ALX1: variants seen among roughly 807,000 people sequenced by gnomAD.
ALX1 encodes the protein ALX homeobox protein 1.
Under a neutral mutation model 31.7 loss-of-function variants are expected in ALX1, and 19 were observed. That is an observed-to-expected ratio of 0.60 (90% confidence interval 0.42 to 0.88). The LOEUF (loss-of-function observed/expected upper bound fraction) is 0.88, where lower values mean the gene tolerates loss of function less well. Among genes scored for constraint, ALX1 ranks in the 40% least tolerant of loss-of-function variants. The probability of loss-of-function intolerance (pLI) is 0.00; values close to 1 mark genes in which losing one functional copy is unlikely to be tolerated. For missense variants in ALX1, 415 were observed against 407.8 expected, an observed-to-expected ratio of 1.02 and a Z score of -0.15; for synonymous variants, 153 against 148.8, an observed-to-expected ratio of 1.03 and a Z score of -0.20.
intron 3 of ALX1, 27 bp from the exon 4 acceptor site, chr12:85,301,128 T>C: frequency 1.2e-6 from 2 of 1,611,016 alleles, no homozygotes; most frequent in Non-Finnish European, 1.7e-6. Flanking sequence ...CATGTAAATG[T>C]AATATTTGTT....
intron 3 of ALX1, among the ~76,000 whole-genome samples, chr12:85,291,968 T>C (rs556960331): frequency 9.9e-5 from 15 of 151,290 alleles, no homozygotes; most frequent in African/African-American, 3.6e-4. Context: ...AACAGTTCTT[T>C]TCATTTATAA....
At chr12:85,291,835 T>C (rs1054587221) in intron 3 of ALX1, among the ~76,000 whole-genome samples, 8 of 151,052 alleles carry the variant, frequency 5.3e-5, no homozygotes, top group African/African-American at 1.7e-4. Flanking sequence ...ATCCTGGGAT[T>C]TGAAGAGGGC....
At chr12:85,291,930 A>G (rs1467461408) in intron 3 of ALX1, among the ~76,000 whole-genome samples, 1 of 151,012 alleles carries the variant, frequency 6.6e-6, no homozygotes, top group Non-Finnish European at 1.5e-5. Flanking sequence ...TAGCTTTTAG[A>G]CCTTTGGCAA....
Position 85,301,609 on chromosome 12 carries a change from TG to T in ALX1, c.*135del. 1 of 887,440 alleles carries T rather than the reference TG, an allele frequency of 1.1e-6. No homozygotes were observed. The highest frequency in any genetic ancestry group is 1.7e-6 in the Non-Finnish European group (1 of 576,564). The allele number at this position is 887,440 out of a possible 1,614,324, so 55.0% of individuals were successfully genotyped here. On this transcript the variant is annotated 3_prime_UTR_variant, in exon 4 of 4. Transcript: ENST00000316824. ...AGATATTCAGTGAGACCAGCTTAAA[TG>T]AATAGTTGTTATTTAACATTAAAAT...
chr12:85,296,842 G>A (rs185282858), intron 3 of ALX1, among the ~76,000 whole-genome samples: 89 of 151,618 alleles, frequency 5.9e-4, no homozygotes, highest in Non-Finnish European at 9.9e-4. Flanking sequence ...AAATTATATG[G>A]TGCCAGGTAT....
chr12:85,280,705 G>C (rs550173223), intron 1 of ALX1, among the ~76,000 whole-genome samples: 7 of 152,314 alleles, frequency 4.6e-5, no homozygotes, highest in African/African-American at 1.4e-4. Flanking sequence ...ATCCAGCACC[G>C]GGTTGCCTCT....
intron 2 of ALX1, among the ~76,000 whole-genome samples, chr12:85,284,955 C>A (rs1327285497): frequency 3.9e-5 from 6 of 151,950 alleles, no homozygotes; most frequent in Non-Finnish European, 4.4e-5. Context: ...CATCTGGTGG[C>A]ACACGGATAA....
In ALX1 at chr12:85,293,259, ATG is replaced by A. The variant is rs551431854; in HGVS notation, c.660+6284_660+6285del. Among the ~76,000 whole-genome samples, 1,019 of 149,902 alleles carry A rather than the reference ATG, an allele frequency of 6.8e-3. 10 individuals carry two copies. Among genetic ancestry groups the A allele is most frequent in the African/African-American group, 0.023 (964 of 41,222 alleles). On this transcript the variant is annotated intron_variant, in intron 3 of 3. Transcript: ENST00000316824. ...ATATGAATAAAATATTTATATATGT[ATG>A]TGTGTATATATATATATAAGTTATG...
intron 3 of ALX1, 131 bp from the exon 4 acceptor site, chr12:85,301,024 T>C: frequency 2.3e-6 from 2 of 881,570 alleles, no homozygotes; most frequent in Non-Finnish European, 3.6e-6. Flanking sequence ...CATTGTTGTA[T>C]GTAATTACAG....
intron 3 of ALX1, among the ~76,000 whole-genome samples, chr12:85,294,778 T>C (rs1896864671): frequency 6.6e-6 from 1 of 151,038 alleles, no homozygotes; most frequent in South Asian, 2.1e-4. Context: ...TGATATTTAA[T>C]GGTGATTTTT....
At chr12:85,282,563 A>G (rs986822025) in intron 1 of ALX1, among the ~76,000 whole-genome samples, 4 of 152,180 alleles carry the variant, frequency 2.6e-5, no homozygotes, top group Admixed American at 1.3e-4. Context: ...ATGATCATCT[A>G]TTGGAAATTA....
Position 85,301,757 on chromosome 12 carries a change from T to A in ALX1, c.*282T>A, listed in dbSNP as rs1896970668. The A allele has an allele frequency of 2.4e-6, 1 of 421,988 alleles. No homozygotes were observed. Among genetic ancestry groups the A allele is most frequent in the African/African-American group, 2.0e-5 (1 of 49,662 alleles). 26.1% of individuals were successfully genotyped at this position (421,988 alleles called of 1,614,324 possible). On this transcript the variant is annotated 3_prime_UTR_variant, in exon 4 of 4. Transcript: ENST00000316824. Reference sequence around the variant, plus strand: ...AGTCAATGAAATATGATCACGCAACTTATTAAAGAATAAATGTGTTAAACA... The same window carrying A: ...AGTCAATGAAATATGATCACGCAACATATTAAAGAATAAATGTGTTAAACA...
At chr12:85,285,917 G>A (rs1377440392) in intron 2 of ALX1, among the ~76,000 whole-genome samples, 3 of 151,760 alleles carry the variant, frequency 2.0e-5, no homozygotes, top group East Asian at 1.9e-4. Context: ...GAATATTACA[G>A]GTATGAATTA....
At chr12:85,292,822 C>A (rs1230340640) in intron 3 of ALX1, among the ~76,000 whole-genome samples, 2 of 150,906 alleles carry the variant, frequency 1.3e-5, no homozygotes, top group African/African-American at 4.8e-5. Flanking sequence ...CCTTCAACCA[C>A]TGTGGTTTAT....
intron 3 of ALX1, 135 bp from the exon 4 acceptor site, chr12:85,301,020 T>C: frequency 1.2e-6 from 1 of 825,894 alleles, no homozygotes; most frequent in Non-Finnish European, 2.0e-6. Flanking sequence ...TAGTCATTGT[T>C]GTATGTAATT....
At chr12:85,286,521 C>T (rs188925032) in intron 2 of ALX1, among the ~76,000 whole-genome samples, 11 of 151,978 alleles carry the variant, frequency 7.2e-5, no homozygotes, top group African/African-American at 2.4e-4. Flanking sequence ...TTATCCATGA[C>T]AATGTGGAGA....
chr12:85,287,508 C>T (rs1896764091), intron 3 of ALX1, among the ~76,000 whole-genome samples: 3 of 150,282 alleles, frequency 2.0e-5, no homozygotes. Flanking sequence ...ACATTTGGTC[C>T]TGTTTGACTT....
At chr12:85,293,033 G>A (rs1030072104) in intron 3 of ALX1, among the ~76,000 whole-genome samples, 2 of 150,628 alleles carry the variant, frequency 1.3e-5, no homozygotes, top group East Asian at 1.9e-4. Flanking sequence ...CAATGATACA[G>A]TGAAAATTCT....
intron 1 of ALX1, among the ~76,000 whole-genome samples, chr12:85,282,475 A>G (rs1350864024): frequency 6.6e-6 from 1 of 152,166 alleles, no homozygotes; most frequent in African/African-American, 2.4e-5. Context: ...AAACTTGAAT[A>G]TATTTGTATA....
Sources: allele counts gnomAD v4.1 joint callset (sites outside exome capture counted in the v4.1 genomes callset), GRCh38; gene constraint gnomAD v4.1.1; transcripts MANE v1.5; gene names NCBI Gene and HGNC (gene_info 2026-07-23, HGNC 2026-07-21).